KCNK2: variants seen among roughly 807,000 people sequenced by gnomAD.
KCNK2 encodes the protein potassium channel subfamily K member 2.
Under a neutral mutation model 40.5 loss-of-function variants are expected in KCNK2, and 21 were observed. That is an observed-to-expected ratio of 0.52 (90% confidence interval 0.37 to 0.75). The LOEUF is 0.75. Among genes scored for constraint, KCNK2 ranks in the 30% least tolerant of loss-of-function variants. The probability of loss-of-function intolerance (pLI) is 0.00; values close to 1 mark genes in which losing one functional copy is unlikely to be tolerated. For synonymous variants in KCNK2, 191 were observed against 202.2 expected (o/e 0.94, Z 0.47); for missense variants, 399 against 531.6 (o/e 0.75, Z 2.45).
At chr1:215,038,367 G>A (rs1242073999) in intron 1 of KCNK2, among the ~76,000 whole-genome samples, 2 of 152,208 alleles carry the variant, frequency 1.3e-5, no homozygotes, top group East Asian at 1.9e-4. Flanking sequence ...CTTACTTGCT[G>A]TTTCCAGCAG....
chr1:215,034,496 G>A (rs1044712362), intron 1 of KCNK2, among the ~76,000 whole-genome samples: 5 of 151,956 alleles, frequency 3.3e-5, no homozygotes, highest in Non-Finnish European at 7.4e-5. Flanking sequence ...ATAAGTAACC[G>A]TCTGTTTTTT....
At chr1:215,104,927 CA>C (rs1317041830) in intron 2 of KCNK2, among the ~76,000 whole-genome samples, 1 of 151,888 alleles carries the variant, frequency 6.6e-6, no homozygotes, top group Non-Finnish European at 1.5e-5. Flanking sequence ...TGTAATATAT[CA>C]TGAACATCTA....
At chr1:215,211,405 C>A (rs1479347796) in intron 6 of KCNK2, among the ~76,000 whole-genome samples, 1 of 152,092 alleles carries the variant, frequency 6.6e-6, no homozygotes, top group African/African-American at 2.4e-5. Context: ...GTCAATGGGG[C>A]CCACCTTGGC....
rs1277822341 is a variant in KCNK2, at chr1:215,083,252, C to G, written c.-134C>G. On this transcript the variant is annotated 5_prime_UTR_variant, in exon 1 of 7. Transcript: ENST00000444842. Reference sequence around the variant, plus strand: ...CTCTCCCCACCTTGTAAAACAAAGCCGGGGAAAATGCCTGCCCGTGCAGCT... The same window carrying G: ...CTCTCCCCACCTTGTAAAACAAAGCGGGGGAAAATGCCTGCCCGTGCAGCT... 6.2e-7 allele frequency: 1 copy of G among 1,605,140 alleles called. No individual in the cohort carries two copies. Among genetic ancestry groups the G allele is most frequent in the Non-Finnish European group, 8.5e-7 (1 of 1,175,410 alleles).
At chr1:215,127,826 G>C (rs1007012457) in intron 3 of KCNK2, among the ~76,000 whole-genome samples, 4 of 152,164 alleles carry the variant, frequency 2.6e-5, no homozygotes, top group African/African-American at 9.7e-5. Context: ...CATATGGTCT[G>C]AACTATGACT....
At chr1:215,008,797 T>C (rs1371157643) in intron 1 of KCNK2, among the ~76,000 whole-genome samples, 2 of 152,142 alleles carry the variant, frequency 1.3e-5, no homozygotes, top group Non-Finnish European at 2.9e-5. Flanking sequence ...AATAGATTTC[T>C]AATAGAAAAT....
At chr1:215,222,049 T>C (rs1469785323) in intron 6 of KCNK2, among the ~76,000 whole-genome samples, 2 of 151,400 alleles carry the variant, frequency 1.3e-5, no homozygotes, top group Non-Finnish European at 2.9e-5. Flanking sequence ...CAAGAGAGAG[T>C]GGGGTGGGAG....
intron 1 of KCNK2, among the ~76,000 whole-genome samples, chr1:215,034,088 G>A (rs1657299048): frequency 6.6e-6 from 1 of 152,078 alleles, no homozygotes; most frequent in Admixed American, 6.6e-5. Flanking sequence ...TCCAATTTAG[G>A]GGGAATTGGT....
chr1:215,214,012 T>C (rs1253760543), intron 6 of KCNK2, among the ~76,000 whole-genome samples: 1 of 152,182 alleles, frequency 6.6e-6, no homozygotes, highest in Non-Finnish European at 1.5e-5. Flanking sequence ...AACTCTACCT[T>C]TATATTTCTA....
rs1471524168 is a variant in KCNK2, at chr1:215,236,131, G to A, written c.*986G>A. On this transcript the variant is annotated 3_prime_UTR_variant, in exon 7 of 7. Transcript: ENST00000444842. ...TGACAGAAGAAAACTGTTAAAAATG[G>A]ATATTATTGGAGGGGATTTAAAACA... 2.0e-5 allele frequency: 3 copies of A among 151,852 alleles called. No homozygotes were observed. The highest frequency in any genetic ancestry group is 7.3e-5 in the African/African-American group (3 of 41,252). The allele number at this position is 151,852 out of a possible 1,614,324, so 9.4% of individuals were successfully genotyped here.
intron 2 of KCNK2, among the ~76,000 whole-genome samples, chr1:215,099,340 G>A (rs1051791205): frequency 2.0e-5 from 3 of 151,840 alleles, no homozygotes; most frequent in Admixed American, 6.6e-5. Flanking sequence ...AAAAGGACAC[G>A]ATCTCATTCT....
At chr1:215,096,384 A>G (rs752128239) in intron 2 of KCNK2, among the ~76,000 whole-genome samples, 3 of 151,990 alleles carry the variant, frequency 2.0e-5, no homozygotes, top group Non-Finnish European at 4.4e-5. Context: ...ATAGTTGTAC[A>G]TATTTATGGT....
At chr1:215,049,312 T>C (rs1657898260) in intron 1 of KCNK2, among the ~76,000 whole-genome samples, 1 of 152,302 alleles carries the variant, frequency 6.6e-6, no homozygotes, top group Admixed American at 6.5e-5. Context: ...CAGTGAAATG[T>C]GTTTTTCCTG....
At chr1:215,065,780 A>G (rs1326811541) in intron 1 of KCNK2, among the ~76,000 whole-genome samples, 1 of 152,184 alleles carries the variant, frequency 6.6e-6, no homozygotes, top group Non-Finnish European at 1.5e-5. Flanking sequence ...GCTAGTGACA[A>G]GATATATGTT....
intron 2 of KCNK2, among the ~76,000 whole-genome samples, chr1:215,097,422 T>G (rs946955045): frequency 6.6e-6 from 1 of 151,596 alleles, no homozygotes; most frequent in Non-Finnish European, 1.5e-5. Flanking sequence ...TACTTTCCTT[T>G]TTTTCTTAAA....
In KCNK2 at chr1:215,235,389, C is replaced by CT; in HGVS notation, c.*249dup. ...TGGAATGACAAGCAATGTCTGATGC[C>CT]TTTTTGTGCCCAGACTGTTTTCCTC... On this transcript the variant is annotated 3_prime_UTR_variant, in exon 7 of 7. Transcript: ENST00000444842. 2.3e-6 allele frequency: 1 copy of CT among 441,872 alleles called. No individual in the cohort carries two copies. Among genetic ancestry groups the CT allele is most frequent in the Non-Finnish European group, 4.1e-6 (1 of 246,060 alleles). 27.4% of individuals were successfully genotyped at this position (441,872 alleles called of 1,614,324 possible).
intron 2 of KCNK2, among the ~76,000 whole-genome samples, chr1:215,095,943 A>G (rs1007214876): frequency 2.0e-5 from 3 of 152,056 alleles, no homozygotes; most frequent in African/African-American, 7.2e-5. Context: ...GTGACTGGGC[A>G]TTCTTCATGC....
At chr1:215,128,540 C>T (rs190321283) in intron 3 of KCNK2, among the ~76,000 whole-genome samples, 2 of 152,146 alleles carry the variant, frequency 1.3e-5, no homozygotes, top group African/African-American at 4.8e-5. Context: ...TCAAATGTAA[C>T]ACAGAGCAGG....
intron 1 of KCNK2, among the ~76,000 whole-genome samples, chr1:215,037,522 A>C (rs2102490243): frequency 6.6e-6 from 1 of 152,082 alleles, no homozygotes. Flanking sequence ...GATTTCGATA[A>C]GGGTTATCTT....
Sources: gnomAD v4.1 joint callset for allele counts (sites outside exome capture counted in the v4.1 genomes callset) on GRCh38, gnomAD v4.1.1 for gene constraint, MANE v1.5 for transcripts, NCBI Gene and HGNC (gene_info 2026-07-23, HGNC 2026-07-21) for gene names.